Variants in OTOF observed in about 807,000 individuals in gnomAD.
The protein encoded by OTOF is fer-1-like family member 2.
Under a neutral mutation model 236.8 loss-of-function variants are expected in OTOF, and 218 were observed. The observed-to-expected ratio is 0.92, with a 90% confidence interval of 0.82 to 1.03. The LOEUF (loss-of-function observed/expected upper bound fraction) is 1.03, where lower values mean the gene tolerates loss of function less well. OTOF is among the 50% of genes least tolerant of loss of function. OTOF has a pLI of 0.00. For synonymous variants in OTOF, 1,041 were observed against 1,072.5 expected (o/e 0.97, Z 0.57); for missense variants, 2,590 against 2,694.4 (o/e 0.96, Z 0.86).
chr2:26,506,310 C>T (rs1396265983), intron 5 of OTOF, among the ~76,000 whole-genome samples: 1 of 152,250 alleles, frequency 6.6e-6, no homozygotes, highest in African/African-American at 2.4e-5. Context: ...CATTCCTAGG[C>T]TGTGTTATTC....
Position 26,480,678 on chromosome 2 carries a change from C to T in OTOF, c.1803+108G>A, listed in dbSNP as rs1001653026. On this transcript the variant is annotated intron_variant, in intron 15 of 46. Transcript: ENST00000272371. ...AGAAGCCTTATCCTGAGGTATGACTCCTCAGGTAGACAGGGCAGCAACAGG... is the reference window on the plus strand; with the variant it reads ...AGAAGCCTTATCCTGAGGTATGACTTCTCAGGTAGACAGGGCAGCAACAGG... The T allele has an allele frequency of 8.8e-6, 8 of 904,608 alleles. No homozygotes were observed. In the African/African-American group the frequency reaches 9.8e-5, roughly 11 times the overall value. 56.0% of individuals were successfully genotyped at this position (904,608 alleles called of 1,614,324 possible). A position where few individuals can be genotyped will look rare whatever the true frequency, so the allele number is the denominator to read the frequency against.
At chr2:26,530,655 G>A (rs953393286) in intron 2 of OTOF, among the ~76,000 whole-genome samples, 4 of 151,738 alleles carry the variant, frequency 2.6e-5, no homozygotes, top group Admixed American at 2.0e-4. Flanking sequence ...CTTCCCTCCC[G>A]CATCATTCGT....
chr2:26,493,115 G>A (rs1219732646), intron 9 of OTOF, among the ~76,000 whole-genome samples: 1 of 152,140 alleles, frequency 6.6e-6, no homozygotes, highest in Non-Finnish European at 1.5e-5. Flanking sequence ...CTAACGTAAG[G>A]CCAGAGATGT....
At chr2:26,540,167 A>G (rs1323064296) in intron 1 of OTOF, among the ~76,000 whole-genome samples, 1 of 152,206 alleles carries the variant, frequency 6.6e-6, no homozygotes, top group African/African-American at 2.4e-5. Context: ...TCCTGGCCTC[A>G]AGTGATCTCC....
At chr2:26,489,324 C>G in intron 10 of OTOF, 29 bp from the exon 11 acceptor site, 1 of 1,565,906 alleles carries the variant, frequency 6.4e-7, no homozygotes, top group Non-Finnish European at 8.7e-7. Flanking sequence ...GCCCACCCGT[C>G]AGGCCCAGCA....
intron 1 of OTOF, among the ~76,000 whole-genome samples, chr2:26,539,636 G>A (rs140551621): frequency 0.012 from 1,895 of 152,256 alleles, 38 homozygotes; most frequent in African/African-American, 0.042. Context: ...TCAAGAGGCC[G>A]AGGCAGGAGA....
chr2:26,527,293 G>A (rs1666831247), intron 3 of OTOF, among the ~76,000 whole-genome samples: 1 of 152,220 alleles, frequency 6.6e-6, no homozygotes, highest in Non-Finnish European at 1.5e-5. Flanking sequence ...GTAAATACTT[G>A]TCCTTTTCAC....
Position 26,473,542 on chromosome 2 carries a change from A to G in OTOF, c.3434T>C (p.Leu1145Pro). The G allele has an allele frequency of 5.0e-6, 8 of 1,610,070 alleles. No individual in the cohort carries two copies. The highest frequency in any genetic ancestry group is 6.8e-6 in the Non-Finnish European group (8 of 1,179,346). The change falls in exon 28 of 47, where the codon CTA (leucine) becomes CCA (proline). Residue 1145 changes from leucine to proline, a missense_variant. Physicochemically the swap from Leu to Pro is moderately conservative, Grantham distance 98. This residue lies in a region of OTOF where 1,211 missense variants were observed against 1,352.8 expected (regional missense o/e 0.90). Coordinates refer to ENST00000272371, the MANE Select transcript of OTOF (RefSeq NM_194248.3). The surrounding 1 kb of genome is among the most constrained non-coding windows in gnomAD (Gnocchi z 7.2). ...VEVLFWGLRD[L>P]KRVNLAQVDR... ...CACCTGGGCCAGGTTCACCCGCTTT[A>G]GGTCCCGTAGGCCCCAGAACAGCAC...
chr2:26,460,987 C>T lies in OTOF; in HGVS notation c.5577G>A (p.Lys1859=). Residue 1859 remains lysine (K), a synonymous_variant, in exon 44 of 47, where the codon AAG becomes AAA. Transcript: ENST00000272371. This position sits in a 1 kb window ranked among gnomAD's most constrained non-coding sequence, Gnocchi z 5.3. Reference sequence around the variant, plus strand: ...TCTCCATGGTGCACTGCTTGGCTGTCTTTGCGCCCCGCGGGAACCGGTTCA... The same window carrying T: ...TCTCCATGGTGCACTGCTTGGCTGTTTTTGCGCCCCGCGGGAACCGGTTCA... ...LDLNRFPRGA[K]TAKQCTMEMA... 5 of 1,570,780 alleles carry T rather than the reference C, an allele frequency of 3.2e-6. No individual in the cohort carries two copies. Among genetic ancestry groups the T allele is most frequent in the African/African-American group, 1.4e-5 (1 of 73,056 alleles).
intron 4 of OTOF, among the ~76,000 whole-genome samples, chr2:26,517,256 T>C (rs1666556460): frequency 2.7e-5 from 1 of 36,502 alleles, no homozygotes; most frequent in Non-Finnish European, 9.9e-5. Context: ...CTTGCAGCTC[T>C]AGTTTCCCCC....
chr2:26,465,359 T>C (rs1461030075), intron 38 of OTOF, among the ~76,000 whole-genome samples: 1 of 152,196 alleles, frequency 6.6e-6, no homozygotes, highest in Non-Finnish European at 1.5e-5. Context: ...TCACACAGCC[T>C]ATAAGTGGCA....
At chr2:26,475,719 A>G (rs1665223437) in intron 24 of OTOF, among the ~76,000 whole-genome samples, 195 bp downstream of exon 24, 1 of 152,108 alleles carries the variant, frequency 6.6e-6, no homozygotes, top group Non-Finnish European at 1.5e-5. Flanking sequence ...ACCACAGCTA[A>G]AGCCCGTAGC....
rs753065924 is a variant in OTOF at position 26,502,309 on chromosome 2, G to A, written c.701C>T (p.Ser234Phe). Reference sequence around the variant, plus strand: ...GCTCCCGTCCACTCACCGCTTGTTGGAGACATTAGTGGTGAGAGCTGTGAC... The same window carrying A: ...GCTCCCGTCCACTCACCGCTTGTTGAAGACATTAGTGGTGAGAGCTGTGAC... ...ASVTALTTNV[S>F]NKRSKPDIKM... The change falls in exon 7 of 47, where the codon TCC (serine) becomes TTC (phenylalanine). Residue 234 changes from serine (S) to phenylalanine (F), a missense_variant. By Grantham distance (155) the Ser-to-Phe change is radical. Coordinates refer to ENST00000272371, the MANE Select transcript of OTOF (RefSeq NM_194248.3). The A allele has an allele frequency of 6.2e-7, 1 of 1,613,996 alleles. No individual in the cohort carries two copies. Among genetic ancestry groups the A allele is most frequent in the African/African-American group, 1.3e-5 (1 of 74,934 alleles).
At chr2:26,472,748 G>A (rs556834263) in intron 29 of OTOF, 99 bp from the exon 30 acceptor site, 1 of 1,285,266 alleles carries the variant, frequency 7.8e-7, no homozygotes, top group East Asian at 2.5e-5. Context: ...AGCTGATTCT[G>A]GAACTTTCTG....
At chr2:26,475,305 A>G in intron 25 of OTOF, 54 bp downstream of exon 25, 1 of 1,601,680 alleles carries the variant, frequency 6.2e-7, no homozygotes, top group Non-Finnish European at 8.5e-7. Flanking sequence ...AGTGCAGGGA[A>G]CAAGGGCCAG....
In OTOF at chr2:26,473,424, G is replaced by A. The variant is rs199622489; in HGVS notation, c.3552C>T (p.Leu1184=). Residue 1184 remains leucine (L), a synonymous_variant, in exon 28 of 47, where the codon CTC becomes CTT. Transcript: ENST00000272371. The surrounding 1 kb of genome is among the most constrained non-coding windows in gnomAD (Gnocchi z 7.2). ...NYKKNPNFNT[L]VKWFEVDLPE... ...CACTCACCACTTCAAACCACTTGAC[G>A]AGGGTGTTGAAGTTGGGGTTCTTCT... 21 of 1,613,348 alleles carry A rather than the reference G, an allele frequency of 1.3e-5. No individual in the cohort carries two copies. Among genetic ancestry groups the A allele is most frequent in the East Asian group, 4.5e-5 (2 of 44,884 alleles).
At chr2:26,497,622 A>G (rs1466144392) in intron 8 of OTOF, among the ~76,000 whole-genome samples, 1 of 152,254 alleles carries the variant, frequency 6.6e-6, no homozygotes, top group Non-Finnish European at 1.5e-5. Context: ...AATCATGTTA[A>G]GGAAATAGAA....
rs544487672 is a variant in OTOF, at chr2:26,508,306, T to A, written c.510-4461A>T. ...CAAGCGCCCCTAAATGGGTTTATTT[T>A]AAAAATTTTCCATGCCCCAAGGCAC... On this transcript the variant is annotated intron_variant, in intron 5 of 46. Transcript: ENST00000272371. Among the ~76,000 whole-genome samples the A allele has an allele frequency of 3.3e-3, 509 of 152,388 alleles. 3 individuals are homozygous for A. The highest frequency in any genetic ancestry group is 0.011 in the African/African-American group (466 of 41,592).
In OTOF at chr2:26,475,973, TGCTGTCG is replaced by T; in HGVS notation, c.2925_2931del (p.Asp976AlafsTer22). On this transcript the variant is annotated frameshift_variant, in exon 24 of 47. Coordinates refer to ENST00000272371, the MANE Select transcript of OTOF (RefSeq NM_194248.3). LOFTEE classifies it high-confidence loss of function. ...CGGGCAAAGGGGTCTGAGAGTCCGC[TGCTGTCG>T]GCGGCAAAGAGGCTGCGGGCCTGGT... The T allele has an allele frequency of 6.2e-7, 1 of 1,612,572 alleles. No individual in the cohort carries two copies.
Sources: allele counts gnomAD v4.1 joint callset (sites outside exome capture counted in the v4.1 genomes callset), GRCh38; gene constraint gnomAD v4.1.1; regional missense constraint gnomAD v4.1.1; non-coding constraint Gnocchi (gnomAD v3.1); transcripts MANE v1.5; gene names NCBI Gene and HGNC (gene_info 2026-07-23, HGNC 2026-07-21).